The following DRD2 variants were observed in gnomAD, a reference collection of about 807,000 sequenced individuals.
DRD2 encodes the protein D(2) dopamine receptor.
DRD2 carries 8 observed loss-of-function variants against 38.0 expected under a neutral mutation model. That is an observed-to-expected ratio of 0.21 (90% CI 0.12 to 0.38). The LOEUF is 0.38. Ranked by LOEUF, DRD2 falls within the 10% of genes least tolerant of loss-of-function variation. DRD2 has a pLI of 1.00. For missense variants in DRD2, 403 were observed against 607.7 expected, an observed-to-expected ratio of 0.66 and a Z score of 3.54; for synonymous variants, 230 against 238.6, an observed-to-expected ratio of 0.96 and a Z score of 0.33.
chr11:113,463,700 C>A (rs1170225279), intron 1 of DRD2, among the ~76,000 whole-genome samples: 2 of 152,152 alleles, frequency 1.3e-5, no homozygotes, highest in East Asian at 1.9e-4. Flanking sequence ...AGCAGGCAGG[C>A]ACCTGGAGCT....
intron 1 of DRD2, among the ~76,000 whole-genome samples, chr11:113,443,463 G>A (rs1591291856): frequency 6.6e-6 from 1 of 152,332 alleles, no homozygotes; most frequent in African/African-American, 2.4e-5. Flanking sequence ...TGAGAGGAAA[G>A]ATACATATTA....
chr11:113,466,233 G>A (rs1193340214), intron 1 of DRD2, among the ~76,000 whole-genome samples: 2 of 152,220 alleles, frequency 1.3e-5, no homozygotes, highest in Admixed American at 1.3e-4. Flanking sequence ...GGTTCAAACT[G>A]TTACTGCGTT....
At chr11:113,442,989 G>A (rs1376715738) in intron 1 of DRD2, among the ~76,000 whole-genome samples, 1 of 152,136 alleles carries the variant, frequency 6.6e-6, no homozygotes, top group East Asian at 1.9e-4. Context: ...ATATGCTAGG[G>A]TTTGCGTGAT....
intron 1 of DRD2, among the ~76,000 whole-genome samples, chr11:113,430,770 C>T (rs1256508283): frequency 1.3e-5 from 2 of 152,202 alleles, no homozygotes; most frequent in African/African-American, 4.8e-5. Context: ...CTGGTTCTGG[C>T]TCCAAAGAAG....
Position 113,424,490 on chromosome 11 carries a change from C to T in DRD2, c.162G>A (p.Leu54=), listed in dbSNP as rs749350345. Residue 54 remains leucine (L), a synonymous_variant, in exon 2 of 8, where the codon CTG becomes CTA. Transcript: ENST00000362072. ...LIAVIVFGNV[L]VCMAVSREKA... is the part of the protein sequence containing the mutation. ...TCTCGCGGGACACAGCCATGCACAC[C>T]AGCACGTTGCCGAAGACGATGACAG... is the stretch of plus-strand genomic sequence containing the variant. The T allele has an allele frequency of 1.2e-6, 2 of 1,614,232 alleles. No homozygotes were observed. Among genetic ancestry groups the T allele is most frequent in the Admixed American group, 3.3e-5 (2 of 60,020 alleles).
At chr11:113,435,632 C>T (rs1298408536) in intron 1 of DRD2, among the ~76,000 whole-genome samples, 1 of 149,584 alleles carries the variant, frequency 6.7e-6, no homozygotes, top group East Asian at 2.0e-4. Flanking sequence ...TATTCCTCCC[C>T]CCGCCCCCCC....
chr11:113,430,002 AAGCCAACGGCTC>A (rs1162849315), intron 1 of DRD2, among the ~76,000 whole-genome samples: 1 of 152,238 alleles, frequency 6.6e-6, no homozygotes, highest in African/African-American at 2.4e-5. Flanking sequence ...ATCAGACCAC[AAGCCAACGGCTC>A]AGCAAGATGA....
rs189045953 is a variant in DRD2, at chr11:113,470,397, G to A, written c.-32+4679C>T. Among the ~76,000 whole-genome samples, 260 of 152,274 alleles carry A rather than the reference G, an allele frequency of 1.7e-3. 1 individual carries two copies. The highest frequency in any genetic ancestry group is 1.5e-3 in the Non-Finnish European group (100 of 68,014). On this transcript the variant is annotated intron_variant, in intron 1 of 7. Transcript: ENST00000362072. ...TGTGCTGAGCGACAGCTTCCTGGAAGGCAGGACTGCCCAGGCTAACTGCAG... is the reference window on the plus strand; with the variant it reads ...TGTGCTGAGCGACAGCTTCCTGGAAAGCAGGACTGCCCAGGCTAACTGCAG...
At chr11:113,427,318 T>C (rs1034463200) in intron 1 of DRD2, among the ~76,000 whole-genome samples, 1 of 152,078 alleles carries the variant, frequency 6.6e-6, no homozygotes, top group African/African-American at 2.4e-5. Context: ...AAGTGAGTCT[T>C]GCCTAGAATC....
chr11:113,441,425 G>A (rs912061240), intron 1 of DRD2, among the ~76,000 whole-genome samples: 6 of 152,174 alleles, frequency 3.9e-5, no homozygotes, highest in Non-Finnish European at 7.3e-5. Context: ...CTTGCATACA[G>A]GATTTGTTGG....
chr11:113,464,280 C>T (rs1286639919), intron 1 of DRD2, among the ~76,000 whole-genome samples: 4 of 152,302 alleles, frequency 2.6e-5, no homozygotes, highest in East Asian at 3.9e-4. Flanking sequence ...CCAGCCTCAA[C>T]TGAGGGCACC....
chr11:113,461,636 C>G (rs1287679153), intron 1 of DRD2, among the ~76,000 whole-genome samples: 4 of 152,108 alleles, frequency 2.6e-5, no homozygotes, highest in African/African-American at 9.7e-5. Context: ...TGACTCTGCC[C>G]CCAAAAGATC....
intron 1 of DRD2, among the ~76,000 whole-genome samples, chr11:113,454,761 G>A (rs1480207684): frequency 1.3e-5 from 2 of 152,114 alleles, no homozygotes; most frequent in Non-Finnish European, 2.9e-5. Context: ...ACATACAATG[G>A]GATATTATTC....
At chr11:113,422,117 C>A (rs144407336) in intron 2 of DRD2, among the ~76,000 whole-genome samples, 1 of 152,152 alleles carries the variant, frequency 6.6e-6, no homozygotes. Context: ...GTAGAACACA[C>A]GTTCCTCTGG....
intron 1 of DRD2, among the ~76,000 whole-genome samples, chr11:113,461,374 C>G (rs1047593863): frequency 3.3e-5 from 5 of 152,202 alleles, no homozygotes; most frequent in African/African-American, 1.2e-4. Flanking sequence ...CCATCCACCA[C>G]CCCCAGCAAA....
intron 2 of DRD2, among the ~76,000 whole-genome samples, chr11:113,420,787 G>A (rs559532516): frequency 1.3e-5 from 2 of 152,332 alleles, no homozygotes; most frequent in East Asian, 1.9e-4. Context: ...CAAAACTAGG[G>A]AGGGTCAGAG....
At chr11:113,457,549 A>G (rs1951278874) in intron 1 of DRD2, among the ~76,000 whole-genome samples, 3 of 151,984 alleles carry the variant, frequency 2.0e-5, no homozygotes, top group South Asian at 4.2e-4. Context: ...CCAGGAACTG[A>G]GCTCCAGAAT....
intron 1 of DRD2, among the ~76,000 whole-genome samples, chr11:113,437,626 C>G (rs1951050847): frequency 6.6e-6 from 1 of 152,212 alleles, no homozygotes; most frequent in South Asian, 2.1e-4. Context: ...CAAGGGAGCT[C>G]CGAGGAGCAC....
rs960250535 is a variant in DRD2 at position 113,410,415 on chromosome 11, A to C, written c.*312T>G. 1 of 502,326 alleles carries C rather than the reference A, an allele frequency of 2.0e-6. No homozygotes were observed. Among genetic ancestry groups the C allele is most frequent in the African/African-American group, 1.9e-5 (1 of 51,494 alleles). The allele number at this position is 502,326 out of a possible 1,614,324, so 31.1% of individuals were successfully genotyped here. On this transcript the variant is annotated 3_prime_UTR_variant, in exon 8 of 8. Coordinates refer to ENST00000362072, the MANE Select transcript of DRD2 (RefSeq NM_000795.4). ...AACCCTAGAGCCCCAGAGGAAGGTC[A>C]AGGAAGGCGGCTGCATCTTTGGTGC...
Sources: allele counts gnomAD v4.1 joint callset (sites outside exome capture counted in the v4.1 genomes callset), GRCh38; gene constraint gnomAD v4.1.1; transcripts MANE v1.5; gene names NCBI Gene and HGNC (gene_info 2026-07-23, HGNC 2026-07-21).